The following UTP25 variants were observed in gnomAD, a reference collection of about 807,000 sequenced individuals.
UTP25 encodes the protein U3 small nucleolar RNA-associated protein 25 homolog.
UTP25 carries 50 observed loss-of-function variants against 78.9 expected under a neutral mutation model. The observed-to-expected ratio is 0.63, with a 90% CI of 0.50 to 0.80. The LOEUF (loss-of-function observed/expected upper bound fraction) is 0.80. Ranked by LOEUF, UTP25 falls within the 30% of genes least tolerant of loss-of-function variation. UTP25 has a pLI of 0.00. For synonymous variants in UTP25, 329 were observed against 336.5 expected (o/e 0.98, Z 0.24); for missense variants, 846 against 911.3 (o/e 0.93, Z 0.92).
At chr1:209,846,421 C>CAGG in intron 11 of UTP25, among the ~76,000 whole-genome samples, 1 of 152,214 alleles carries the variant, frequency 6.6e-6, no homozygotes, top group Non-Finnish European at 1.5e-5. Context: ...GGATCTCAAC[C>CAGG]AGGAGGCAAG....
At position 209,839,001 on chromosome 1, in the gene UTP25, T is replaced by C. The variant is rs778587430; in HGVS notation, c.1155T>C (p.Ile385=). 8.7e-6 allele frequency: 14 copies of C among 1,614,056 alleles called. No individual in the cohort carries two copies. The highest frequency in any genetic ancestry group is 1.2e-5 in the Non-Finnish European group (14 of 1,179,992). The change falls in exon 7 of 12, where the codon ATT becomes ATC. Residue 385 remains isoleucine, a synonymous_variant. Transcript: ENST00000491415. ...LLEGDSKKKI[I]VSNKKRFQGE... ...AGGGTGACAGCAAGAAGAAAATCAT[T>C]GTGAGCAACAAAAAGAGGTTTCAGG...
chr1:209,845,848 T>C (rs2078194102), intron 11 of UTP25, among the ~76,000 whole-genome samples: 1 of 148,666 alleles, frequency 6.7e-6, no homozygotes. Context: ...GTACTTTTTT[T>C]TTCTTTTTCT....
intron 4 of UTP25, among the ~76,000 whole-genome samples, chr1:209,834,822 A>C (rs2078124281): frequency 6.6e-6 from 1 of 152,222 alleles, no homozygotes; most frequent in Non-Finnish European, 1.5e-5. Flanking sequence ...GTATATCCTA[A>C]AGTGCTCTGA....
intron 4 of UTP25, 77 bp downstream of exon 4, chr1:209,833,435 A>G: frequency 1.6e-6 from 2 of 1,267,054 alleles, no homozygotes; most frequent in Non-Finnish European, 2.1e-6. Flanking sequence ...CATTGAATCT[A>G]TTATTGGAAC....
In UTP25 at chr1:209,852,392, A is replaced by G. The variant is rs1362762866; in HGVS notation, c.*945A>G. On this transcript the variant is annotated 3_prime_UTR_variant, in exon 12 of 12. Coordinates refer to ENST00000491415, the MANE Select transcript of UTP25 (RefSeq NM_014388.7). ...TAGGAATGCCCCACCAATAAGGATAATGTGAATATTTCAGAATCCAAAAAA... is the reference window on the plus strand; with the variant it reads ...TAGGAATGCCCCACCAATAAGGATAGTGTGAATATTTCAGAATCCAAAAAA... 3 of 152,176 alleles carry G rather than the reference A, an allele frequency of 2.0e-5. No homozygotes were observed. Among genetic ancestry groups the G allele is most frequent in the South Asian group, 2.1e-4 (1 of 4,830 alleles). 9.4% of individuals were successfully genotyped at this position (152,176 alleles called of 1,614,324 possible).
intron 10 of UTP25, 49 bp downstream of exon 10, chr1:209,842,744 G>T: frequency 7.1e-7 from 1 of 1,404,878 alleles, no homozygotes; most frequent in South Asian, 1.2e-5. Flanking sequence ...AGAGAGATTT[G>T]ACTTGGGCAT....
intron 11 of UTP25, among the ~76,000 whole-genome samples, chr1:209,845,650 C>G (rs536892175): frequency 6.6e-6 from 1 of 152,090 alleles, no homozygotes; most frequent in Non-Finnish European, 1.5e-5. Context: ...TGCCCTGGGC[C>G]AGGTTAATTG....
At chr1:209,849,222 C>T (rs1286774264) in intron 11 of UTP25, among the ~76,000 whole-genome samples, 3 of 152,108 alleles carry the variant, frequency 2.0e-5, no homozygotes, top group Non-Finnish European at 2.9e-5. Flanking sequence ...GTTCCTGCCC[C>T]GCTACCTCCG....
intron 11 of UTP25, 111 bp downstream of exon 11, chr1:209,843,807 C>T (rs1395062981): frequency 7.2e-7 from 1 of 1,395,386 alleles, no homozygotes; most frequent in Non-Finnish European, 9.7e-7. Flanking sequence ...ATCCCTCACT[C>T]TCGCACTCTT....
In UTP25 at chr1:209,842,475, T is replaced by C. The variant is rs370460636; in HGVS notation, c.1668+28T>C. On this transcript the variant is annotated intron_variant, in intron 9 of 11. Transcript: ENST00000491415. ...GGGTTCTCGTCTTGTTTCCTCAGTA[T>C]CTTCATGAGCACTGTTTATTGTTTG... 2.6e-4 allele frequency: 412 copies of C among 1,613,824 alleles called. 3 individuals are homozygous for C. Among genetic ancestry groups the C allele is most frequent in the South Asian group, 2.0e-3 (178 of 91,074 alleles).
chr1:209,838,173 C>A (rs2078144873), intron 6 of UTP25, among the ~76,000 whole-genome samples: 1 of 152,196 alleles, frequency 6.6e-6, no homozygotes, highest in Non-Finnish European at 1.5e-5. Flanking sequence ...GAATAAGAGG[C>A]AGATTATCTA....
At position 209,856,206 on chromosome 1, in the gene UTP25, A is replaced by G. The variant is rs1262691409; in HGVS notation, c.*4759A>G. The G allele has an allele frequency of 6.6e-6, 1 of 152,254 alleles. No homozygotes were observed. 9.4% of individuals were successfully genotyped at this position (152,254 alleles called of 1,614,324 possible). ...AGCCTTATAGAGGGACTGTGTGAGA[A>G]GGGAAGAGACTGCTATTGTTTGCCC... On this transcript the variant is annotated 3_prime_UTR_variant, in exon 12 of 12. Transcript: ENST00000491415.
chr1:209,837,042 C>T lies in UTP25; in HGVS notation c.893C>T (p.Thr298Ile), dbSNP rs772708185. Residue 298 changes from threonine (T) to isoleucine (I), a missense_variant, in exon 6 of 12, where the codon ACT becomes ATT. Physicochemically the swap from Thr to Ile is moderately conservative, Grantham distance 89 (BLOSUM62 -1). Transcript: ENST00000491415. ...SYRDLFYPER[T>I]ALKNGEEIRH... ...CGGGACCTGTTCTACCCGGAAAGGA[C>T]TGCTCTGAAGAACGGGGAAGAGATC... The T allele has an allele frequency of 3.7e-6, 6 of 1,614,040 alleles. No individual in the cohort carries two copies. The African/African-American group carries it at 5.3e-5, about 14-fold the overall frequency.
intron 7 of UTP25, among the ~76,000 whole-genome samples, chr1:209,839,386 C>G (rs2102574595): frequency 6.6e-6 from 1 of 152,238 alleles, no homozygotes; most frequent in Non-Finnish European, 1.5e-5. Context: ...AAATTTATAG[C>G]AAGTTTATAA....
At chr1:209,829,336 T>C (rs1025949527) in intron 1 of UTP25, among the ~76,000 whole-genome samples, 1 of 152,250 alleles carries the variant, frequency 6.6e-6, no homozygotes, top group Non-Finnish European at 1.5e-5. Context: ...TGGGACATCA[T>C]TGATCTTTGC....
intron 11 of UTP25, among the ~76,000 whole-genome samples, chr1:209,846,873 G>A (rs1187281404): frequency 1.3e-5 from 2 of 152,104 alleles, no homozygotes; most frequent in African/African-American, 4.8e-5. Context: ...CAGTTTTATT[G>A]TTTTGTTTTT....
At chr1:209,848,887 T>C (rs1000790681) in intron 11 of UTP25, among the ~76,000 whole-genome samples, 1 of 152,188 alleles carries the variant, frequency 6.6e-6, no homozygotes, top group Admixed American at 6.5e-5. Context: ...CTGGTGTGGG[T>C]GCTATCAATC....
intron 8 of UTP25, 52 bp from the exon 9 acceptor site, chr1:209,842,213 A>G: frequency 3.4e-6 from 5 of 1,486,970 alleles, no homozygotes; most frequent in East Asian, 2.4e-5. Flanking sequence ...GCAATGTCCA[A>G]CATGTAAATG....
chr1:209,838,265 C>T (rs1558053582), intron 6 of UTP25, among the ~76,000 whole-genome samples: 1 of 152,262 alleles, frequency 6.6e-6, no homozygotes, highest in Non-Finnish European at 1.5e-5. Context: ...AGAAATTAAC[C>T]ATTTTTTAAG....
Sources: allele counts gnomAD v4.1 joint callset (sites outside exome capture counted in the v4.1 genomes callset), GRCh38; gene constraint gnomAD v4.1.1; transcripts MANE v1.5; gene names NCBI Gene and HGNC (gene_info 2026-07-23, HGNC 2026-07-21).